The following NCAM2 variants were observed in gnomAD, a reference collection of about 807,000 sequenced individuals.
The protein encoded by NCAM2 is neural cell adhesion molecule 2.
A neutral mutation model predicts 98.1 loss-of-function variants in NCAM2; 30 were observed. That is an observed-to-expected ratio of 0.31 (90% confidence interval 0.23 to 0.41). NCAM2 has a LOEUF of 0.41. NCAM2 is among the 10% of genes least tolerant of loss of function. NCAM2 has a pLI of 1.00. For synonymous variants in NCAM2, 368 were observed against 342.4 expected, an observed-to-expected ratio of 1.07 and a Z score of -0.83; for missense variants, 867 against 1,005.8, an observed-to-expected ratio of 0.86 and a Z score of 1.87.
chr21:21,484,020 G>C (rs905161972), intron 15 of NCAM2, among the ~76,000 whole-genome samples: 1 of 151,952 alleles, frequency 6.6e-6, no homozygotes. Flanking sequence ...AACATTGTGG[G>C]ATATATTGAG....
rs1454247812 is a variant in NCAM2 at position 21,540,663 on chromosome 21, T to C, written c.*2706T>C. On this transcript the variant is annotated 3_prime_UTR_variant, in exon 18 of 18. Transcript: ENST00000400546. ...TATTTTTATTGTCTGAGAGTACTCT[T>C]AAATATTAGTATAAAGTGTCAAAAG... 6.6e-6 allele frequency: 1 copy of C among 152,070 alleles called. No individual in the cohort carries two copies. Among genetic ancestry groups the C allele is most frequent in the Admixed American group, 6.6e-5 (1 of 15,232 alleles). 9.4% of individuals were successfully genotyped at this position (152,070 alleles called of 1,614,324 possible). A position where few individuals can be genotyped will look rare whatever the true frequency, so the allele number is the denominator to read the frequency against.
chr21:21,248,063 A>G (rs192198869), intron 1 of NCAM2, among the ~76,000 whole-genome samples: 76 of 152,314 alleles, frequency 5.0e-4, no homozygotes, highest in African/African-American at 1.7e-3. Context: ...TTTCAATTCA[A>G]TTAAATAGAC....
At chr21:21,377,010 T>C (rs1451417475) in intron 9 of NCAM2, among the ~76,000 whole-genome samples, 1 of 151,788 alleles carries the variant, frequency 6.6e-6, no homozygotes, top group Admixed American at 6.6e-5. Flanking sequence ...TAACTACTTT[T>C]TGTTTTCCCT....
chr21:21,216,618 T>A lies in NCAM2; in HGVS notation c.56-63960T>A, dbSNP rs576175758. 4.6e-5 allele frequency among the ~76,000 whole-genome samples: 7 copies of A among 152,344 alleles called. No individual in the cohort carries two copies. In the South Asian group the frequency reaches 6.2e-4, roughly 14 times the overall value. ...GAACATAGCCAAATGCATTGTCCTG[T>A]CCTTAGCCAGGGGCTGAACCATGCA... On this transcript the variant is annotated intron_variant, in intron 1 of 17. Transcript: ENST00000400546.
chr21:21,377,518 T>A (rs1252259452), intron 9 of NCAM2, among the ~76,000 whole-genome samples: 1 of 151,962 alleles, frequency 6.6e-6, no homozygotes, highest in African/African-American at 2.4e-5. Context: ...TTGTATATAT[T>A]TAAGGTGTAC....
chr21:21,286,605 C>A (rs2073110573), intron 4 of NCAM2, among the ~76,000 whole-genome samples, 193 bp downstream of exon 4: 1 of 151,792 alleles, frequency 6.6e-6, no homozygotes, highest in African/African-American at 2.4e-5. Flanking sequence ...CTGCCCTTTA[C>A]CCCTATGTTG....
chr21:21,139,307 C>T (rs770640322), intron 1 of NCAM2, among the ~76,000 whole-genome samples: 6 of 152,230 alleles, frequency 3.9e-5, no homozygotes, highest in Non-Finnish European at 8.8e-5. Context: ...GAATGTGTCC[C>T]TGCTAAAATT....
At chr21:21,150,187 G>A (rs919580103) in intron 1 of NCAM2, among the ~76,000 whole-genome samples, 10 of 152,232 alleles carry the variant, frequency 6.6e-5, no homozygotes, top group African/African-American at 2.4e-4. Flanking sequence ...TGTGGATATA[G>A]AAATACAATT....
chr21:21,513,486 T>A (rs965521335), intron 16 of NCAM2, among the ~76,000 whole-genome samples: 4 of 152,106 alleles, frequency 2.6e-5, no homozygotes. Context: ...TTAATTTCCA[T>A]GTGTTTCTAT....
chr21:21,252,937 A>C (rs548150318), intron 1 of NCAM2, among the ~76,000 whole-genome samples: 1 of 152,260 alleles, frequency 6.6e-6, no homozygotes, highest in African/African-American at 2.4e-5. Flanking sequence ...AAGCATTATC[A>C]TAATCTTACT....
intron 1 of NCAM2, among the ~76,000 whole-genome samples, chr21:21,069,086 T>A (rs2065503941): frequency 2.0e-5 from 3 of 152,198 alleles, no homozygotes; most frequent in South Asian, 2.1e-4. Flanking sequence ...AAAATCCAAT[T>A]GTAATTATAT....
intron 1 of NCAM2, among the ~76,000 whole-genome samples, chr21:21,031,829 CT>C (rs1800878112): frequency 6.6e-6 from 1 of 151,312 alleles, no homozygotes; most frequent in African/African-American, 2.4e-5. Flanking sequence ...CACACACACA[CT>C]CACACACACG....
intron 1 of NCAM2, among the ~76,000 whole-genome samples, chr21:21,077,944 T>G (rs777410256): frequency 6.6e-6 from 1 of 152,140 alleles, no homozygotes; most frequent in African/African-American, 2.4e-5. Flanking sequence ...CCAGTAAATT[T>G]TGGAGGTTAC....
At chr21:21,427,754 A>C (rs1352843273) in intron 11 of NCAM2, among the ~76,000 whole-genome samples, 1 of 152,220 alleles carries the variant, frequency 6.6e-6, no homozygotes, top group Non-Finnish European at 1.5e-5. Flanking sequence ...ACCTCAAAAA[A>C]TTCTGAGCTG....
At chr21:21,187,122 C>T (rs978382161) in intron 1 of NCAM2, among the ~76,000 whole-genome samples, 11 of 151,716 alleles carry the variant, frequency 7.3e-5, no homozygotes, top group African/African-American at 2.2e-4. Context: ...CCCAGCTACT[C>T]GGGAGGCAGG....
intron 1 of NCAM2, among the ~76,000 whole-genome samples, chr21:21,211,119 G>GA (rs1246696703): frequency 6.6e-6 from 1 of 151,982 alleles, no homozygotes; most frequent in African/African-American, 2.4e-5. Context: ...TAAACGTGCA[G>GA]ATTAAATACT....
Position 21,508,808 on chromosome 21 carries a change from CTTTTTTTTTTTTTT to C in NCAM2, c.2078-24_2078-11del, listed in dbSNP as rs764097299. On this transcript the variant is annotated intron_variant, in intron 15 of 17. Transcript: ENST00000400546. ...ATTTAGAGGTTTAATACTTTTTTTC[CTTTTTTTTTTTTTT>C]TTTTTTTTTTTTTTTTTTACTTTTT... is the stretch of plus-strand genomic sequence containing the variant. 366 of 412,978 alleles carry C rather than the reference CTTTTTTTTTTTTTT, an allele frequency of 8.9e-4. 1 individual carries two copies. The highest frequency in any genetic ancestry group is 2.7e-3 in the Middle Eastern group (3 of 1,120). The allele number at this position is 412,978 out of a possible 1,614,324, so 25.6% of individuals were successfully genotyped here.
chr21:21,330,717 A>G (rs2074650908), intron 6 of NCAM2, among the ~76,000 whole-genome samples: 1 of 151,958 alleles, frequency 6.6e-6, no homozygotes, highest in Non-Finnish European at 1.5e-5. Flanking sequence ...ATATTTTTTG[A>G]AGCTCTAGTA....
At chr21:21,120,521 A>G (rs1041941138) in intron 1 of NCAM2, among the ~76,000 whole-genome samples, 3 of 152,032 alleles carry the variant, frequency 2.0e-5, no homozygotes, top group African/African-American at 7.2e-5. Flanking sequence ...GTAGATTCGA[A>G]TAGGTGACTG....
Sources: allele counts gnomAD v4.1 joint callset (sites outside exome capture counted in the v4.1 genomes callset), GRCh38; gene constraint gnomAD v4.1.1; transcripts MANE v1.5; gene names NCBI Gene and HGNC (gene_info 2026-07-23, HGNC 2026-07-21).